Variants in ALK observed in about 807,000 individuals in gnomAD.
ALK encodes ALK receptor tyrosine kinase, also known as ALK tyrosine kinase receptor.
In ALK, 74 loss-of-function variants were observed where a neutral mutation model predicts 163.1. The observed-to-expected ratio is 0.45, with a 90% CI of 0.38 to 0.55. The LOEUF is 0.55. Among genes scored for constraint, ALK ranks in the 20% least tolerant of loss-of-function variants. The probability of loss-of-function intolerance (pLI) is 0.00; values close to 1 mark genes in which losing one functional copy is unlikely to be tolerated. For synonymous variants in ALK, 960 were observed against 843.2 expected, an observed-to-expected ratio of 1.14 and a Z score of -2.40; for missense variants, 2,063 against 2,105.3, an observed-to-expected ratio of 0.98 and a Z score of 0.39.
Position 29,296,874 on chromosome 2 carries a change from T to G in ALK, c.1817+14A>C, listed in dbSNP as rs1395793746. 1 of 1,614,044 alleles carries G rather than the reference T, an allele frequency of 6.2e-7. No individual in the cohort carries two copies. Among genetic ancestry groups the G allele is most frequent in the Middle Eastern group, 1.7e-4 (1 of 6,060 alleles). On this transcript the variant is annotated intron_variant, in intron 9 of 28. Transcript: ENST00000389048. ...TAGAGGAGAAGGGTATTGGGGGAGA[T>G]GCATAGAGCCTACCTGTCAGACACA...
chr2:29,862,801 C>G (rs1009177584), intron 1 of ALK, among the ~76,000 whole-genome samples: 1 of 147,770 alleles, frequency 6.8e-6, no homozygotes, highest in Admixed American at 6.7e-5. Flanking sequence ...AGAAAAGACC[C>G]AGAATAGCCA....
intron 3 of ALK, among the ~76,000 whole-genome samples, chr2:29,534,258 A>G (rs543696239): frequency 6.6e-6 from 1 of 152,316 alleles, no homozygotes; most frequent in South Asian, 2.1e-4. Context: ...ACCCAACCTC[A>G]TCTTGCACCA....
At chr2:29,831,664 C>G (rs940013582) in intron 1 of ALK, among the ~76,000 whole-genome samples, 5 of 152,174 alleles carry the variant, frequency 3.3e-5, no homozygotes, top group Non-Finnish European at 5.9e-5. Context: ...GATTCAACAC[C>G]TAATAGTTAG....
chr2:29,311,640 C>A (rs1166926586), intron 8 of ALK, among the ~76,000 whole-genome samples: 1 of 152,206 alleles, frequency 6.6e-6, no homozygotes, highest in Non-Finnish European at 1.5e-5. Context: ...TCGTTGACGG[C>A]AGCTGTCCCA....
At chr2:29,808,013 T>C (rs1178082129) in intron 1 of ALK, among the ~76,000 whole-genome samples, 1 of 152,364 alleles carries the variant, frequency 6.6e-6, no homozygotes, top group East Asian at 1.9e-4. Context: ...TTAGAGACTT[T>C]GATTTGGCCA....
At position 29,657,284 on chromosome 2, in the gene ALK, A is replaced by G. The variant is rs1677211537; in HGVS notation, c.952+37566T>C. On this transcript the variant is annotated intron_variant, in intron 3 of 28. Coordinates refer to ENST00000389048, the MANE Select transcript of ALK (RefSeq NM_004304.5). ...TGTTGTGGATTAGAAAGACCACTTG[A>G]CTCAGAGTCAGAAGTCCTGATCTTA... Among the ~76,000 whole-genome samples the G allele has an allele frequency of 2.0e-5, 3 of 152,256 alleles. No homozygotes were observed. The South Asian group carries it at 6.2e-4, about 32-fold the overall frequency.
intron 4 of ALK, among the ~76,000 whole-genome samples, chr2:29,421,143 A>C (rs1670006404): frequency 1.3e-5 from 2 of 151,470 alleles, no homozygotes; most frequent in East Asian, 1.9e-4. Flanking sequence ...AAGACAACGG[A>C]CATCCTCTGC....
At chr2:29,829,987 T>C (rs935455313) in intron 1 of ALK, among the ~76,000 whole-genome samples, 1 of 152,180 alleles carries the variant, frequency 6.6e-6, no homozygotes, top group African/African-American at 2.4e-5. Context: ...CTCTGCAAGG[T>C]TTTGCTCTCC....
chr2:29,363,339 A>G (rs1354027210), intron 5 of ALK, among the ~76,000 whole-genome samples: 1 of 152,180 alleles, frequency 6.6e-6, no homozygotes, highest in African/African-American at 2.4e-5. Flanking sequence ...TGTTTCTTGG[A>G]TAACAGCATA....
chr2:29,371,126 A>G (rs1668628402), intron 5 of ALK, among the ~76,000 whole-genome samples: 2 of 152,330 alleles, frequency 1.3e-5, no homozygotes, highest in South Asian at 4.1e-4. Context: ...TGGTTTGCAA[A>G]TTGTGCATTG....
intron 3 of ALK, among the ~76,000 whole-genome samples, chr2:29,546,740 C>A (rs531466640): frequency 6.6e-6 from 1 of 152,162 alleles, no homozygotes; most frequent in Non-Finnish European, 1.5e-5. Flanking sequence ...TAAGAGGTAG[C>A]GGCTTTTATT....
intron 4 of ALK, among the ~76,000 whole-genome samples, chr2:29,496,823 G>T (rs1312087825): frequency 3.3e-5 from 5 of 152,156 alleles, no homozygotes; most frequent in African/African-American, 1.2e-4. Context: ...AGCAACCATT[G>T]CCAACCAAAT....
chr2:29,637,179 C>G (rs1454126050), intron 3 of ALK, among the ~76,000 whole-genome samples: 2 of 152,118 alleles, frequency 1.3e-5, no homozygotes, highest in African/African-American at 4.8e-5. Flanking sequence ...AAACTAGAAA[C>G]CAACATGTTC....
chr2:29,395,408 C>A (rs947610041), intron 4 of ALK, among the ~76,000 whole-genome samples: 2 of 152,204 alleles, frequency 1.3e-5, no homozygotes, highest in African/African-American at 2.4e-5. Flanking sequence ...AGACTTGTAT[C>A]TGCTAGAGAG....
At chr2:29,446,801 GCTGT>G (rs1487707935) in intron 4 of ALK, among the ~76,000 whole-genome samples, 3 of 152,166 alleles carry the variant, frequency 2.0e-5, no homozygotes, top group Non-Finnish European at 4.4e-5. Context: ...GTGGCCAAAG[GCTGT>G]CTGTATCTTC....
chr2:29,300,250 T>C (rs1178000658), intron 8 of ALK, among the ~76,000 whole-genome samples: 27 of 152,018 alleles, frequency 1.8e-4, no homozygotes, highest in Admixed American at 1.7e-3. Context: ...CCACCTATAA[T>C]AGAGATGCAC....
rs61744521 is a variant in ALK at position 29,275,477 on chromosome 2, C to T, written c.1837G>A (p.Ala613Thr). Residue 613 changes from alanine to threonine, a missense_variant, in exon 10 of 29, where the codon GCA becomes ACA. Ala to Thr is a moderately conservative substitution (Grantham distance 58, BLOSUM62 0). Around this residue, in one of 5 missense-constraint regions of ALK, gnomAD observed 987 missense variants for 939.5 expected, o/e 1.05. Transcript: ENST00000389048. Reference sequence around the variant, plus strand: ...GCTCTGGATCCTTGTCCCCACCATGCGACCATCTGCAGCCAGAACCTGTAC... The same window carrying T: ...GCTCTGGATCCTTGTCCCCACCATGTGACCATCTGCAGCCAGAACCTGTAC... ...VSDRFWLQMV[A>T]WWGQGSRAIV... The T allele has an allele frequency of 9.9e-6, 16 of 1,614,080 alleles. No homozygotes were observed. The highest frequency in any genetic ancestry group is 2.2e-5 in the South Asian group (2 of 91,066).
intron 4 of ALK, among the ~76,000 whole-genome samples, chr2:29,399,418 C>T (rs117365141): frequency 1.6e-4 from 24 of 152,312 alleles, no homozygotes; most frequent in Non-Finnish European, 2.5e-4. Flanking sequence ...CAACCCCCAC[C>T]GCCCAACTAA....
intron 9 of ALK, among the ~76,000 whole-genome samples, chr2:29,288,445 A>G (rs1665919070): frequency 6.6e-6 from 1 of 152,068 alleles, no homozygotes; most frequent in Non-Finnish European, 1.5e-5. Flanking sequence ...TTGGCTCTTA[A>G]CTGCATGGCT....
Sources: allele counts gnomAD v4.1 joint callset (sites outside exome capture counted in the v4.1 genomes callset), GRCh38; gene constraint gnomAD v4.1.1; regional missense constraint gnomAD v4.1.1; transcripts MANE v1.5; gene names NCBI Gene and HGNC (gene_info 2026-07-23, HGNC 2026-07-21).